Variants in PCM1 observed in about 807,000 individuals in gnomAD.
PCM1 encodes the protein pericentriolar material 1 protein.
In PCM1, 157 loss-of-function variants were observed where a neutral mutation model predicts 241.9. The ratio of observed to expected loss-of-function variants is 0.65; its 90% CI spans 0.57 to 0.74. The LOEUF is 0.74. Ranked by LOEUF, PCM1 falls within the 30% of genes least tolerant of loss-of-function variation. The pLI is 0.00. For missense variants in PCM1, 3,478 were observed against 2,360.1 expected, an observed-to-expected ratio of 1.47 and a Z score of -9.81; for synonymous variants, 1,085 against 784.9, an observed-to-expected ratio of 1.38 and a Z score of -6.39.
chr8:17,941,931 C>T (rs1259913800), intron 6 of PCM1, among the ~76,000 whole-genome samples: 15 of 152,106 alleles, frequency 9.9e-5, no homozygotes. Flanking sequence ...GTTGCTATTA[C>T]TCTTACATAT....
At chr8:17,971,460 C>T (rs2076826871) in intron 22 of PCM1, among the ~76,000 whole-genome samples, 1 of 152,160 alleles carries the variant, frequency 6.6e-6, no homozygotes, top group South Asian at 2.1e-4. Context: ...GTTTTCTCCC[C>T]AACCTAGACG....
At chr8:17,961,968 CTGCTTTTATGA>C in intron 15 of PCM1, 55 bp from the exon 16 acceptor site, 1 of 1,439,228 alleles carries the variant, frequency 6.9e-7, no homozygotes, top group Non-Finnish European at 9.4e-7. Context: ...TTTAAAGTAA[CTGCTTTTATGA>C]AATTAATATA....
At chr8:17,966,698 T>C (rs568133514) in intron 20 of PCM1, among the ~76,000 whole-genome samples, 1 of 152,348 alleles carries the variant, frequency 6.6e-6, no homozygotes, top group African/African-American at 2.4e-5. Flanking sequence ...TTTTGGCAGA[T>C]TTTATGGTGT....
chr8:17,964,708 C>T lies in PCM1; in HGVS notation c.2795C>T (p.Ser932Phe). 6.2e-7 allele frequency: 1 copy of T among 1,613,886 alleles called. No homozygotes were observed. The highest frequency in any genetic ancestry group is 8.5e-7 in the Non-Finnish European group (1 of 1,179,782). Residue 932 changes from serine (S) to phenylalanine (F), a missense_variant, in exon 18 of 39, where the codon TCT (serine) becomes TTT (phenylalanine). Transcript: ENST00000325083. ...EQDASSNDNF[S>F]VCPSNSVNHN... is the part of the protein sequence containing the mutation. The stretch of plus-strand genomic sequence containing the variant: ...GATGCCAGTTCCAATGATAACTTTT[C>T]TGTGTGTCCTTCTAACAGTGTGAAT...
In PCM1 at chr8:17,928,463, C is replaced by G. The variant is rs891601224; in HGVS notation, c.-23+3683C>G. The stretch of plus-strand genomic sequence containing the variant: ...TAAGCAGCCTCCAACCCATTCCATC[C>G]TTTCTTGGTTTTTTTCAATTAAAGA... On this transcript the variant is annotated intron_variant, in intron 2 of 38. Transcript: ENST00000325083. 2.6e-5 allele frequency among the ~76,000 whole-genome samples: 4 copies of G among 152,082 alleles called. No individual in the cohort carries two copies. In the South Asian group the frequency reaches 8.3e-4, roughly 32 times the overall value.
chr8:17,965,568 A>G (rs1466968436), intron 18 of PCM1, among the ~76,000 whole-genome samples: 2 of 152,212 alleles, frequency 1.3e-5, no homozygotes, highest in African/African-American at 4.8e-5. Context: ...TAGATAGTGA[A>G]AAGAGTCTGC....
At chr8:17,974,995 G>A (rs1021300526) in intron 23 of PCM1, among the ~76,000 whole-genome samples, 2 of 152,112 alleles carry the variant, frequency 1.3e-5, no homozygotes, top group African/African-American at 4.8e-5. Flanking sequence ...ACTCTGAACT[G>A]TGGACAAGCA....
chr8:17,972,250 G>A (rs2077102817), intron 22 of PCM1, 79 bp from the exon 23 acceptor site: 1 of 799,078 alleles, frequency 1.3e-6, no homozygotes, highest in Non-Finnish European at 1.9e-6. Flanking sequence ...ATCTACTCGA[G>A]TAGACTATAA....
At chr8:17,992,998 TG>T (rs1184195250) in intron 28 of PCM1, among the ~76,000 whole-genome samples, 2 of 151,888 alleles carry the variant, frequency 1.3e-5, no homozygotes, top group Non-Finnish European at 2.9e-5. Context: ...ATTAGTCCTT[TG>T]TCAGATGCGT....
chr8:17,967,734 C>T (rs181612135), intron 21 of PCM1, among the ~76,000 whole-genome samples: 1 of 152,202 alleles, frequency 6.6e-6, no homozygotes, highest in Non-Finnish European at 1.5e-5. Flanking sequence ...CTGCTGTATA[C>T]TAGGCACTGT....
At chr8:17,997,937 G>A (rs886195608) in intron 29 of PCM1, among the ~76,000 whole-genome samples, 22 of 151,252 alleles carry the variant, frequency 1.5e-4, no homozygotes, top group Admixed American at 1.1e-3. Context: ...TTGGGAGGCC[G>A]AGGCAGGAGA....
chr8:17,972,538 C>T lies in PCM1; in HGVS notation c.3794C>T (p.Pro1265Leu). The change falls in exon 23 of 39, where the codon CCT (proline) becomes CTT (leucine). Residue 1265 changes from proline to leucine, a missense_variant. Coordinates refer to ENST00000325083, the MANE Select transcript of PCM1 (RefSeq NM_006197.4). ...EESLESFSSM[P>L]DPVDPTTVTK... ...TCACTGGAAAGCTTTAGCAGTATGC[C>T]TGATCCAGTAGATCCAACAACAGTG... The T allele has an allele frequency of 6.2e-7, 1 of 1,613,872 alleles. No homozygotes were observed. Among genetic ancestry groups the T allele is most frequent in the African/African-American group, 1.3e-5 (1 of 75,060 alleles).
At chr8:17,933,132 T>C (rs577373505) in intron 2 of PCM1, among the ~76,000 whole-genome samples, 1 of 152,348 alleles carries the variant, frequency 6.6e-6, no homozygotes, top group South Asian at 2.1e-4. Flanking sequence ...ATAGAATTGT[T>C]GTGAGGCTTT....
At chr8:17,957,804 T>TA in intron 13 of PCM1, 29 bp downstream of exon 13, 1 of 1,475,050 alleles carries the variant, frequency 6.8e-7, no homozygotes, top group South Asian at 1.2e-5. Flanking sequence ...TTTAAAAACC[T>TA]ATTTGTCAAA....
chr8:17,956,638 C>G lies in PCM1; in HGVS notation c.1507C>G (p.Leu503Val). ...TGAAGTTCGAAAGAGATTGAATGAGCTAAGAGAATTAGTTCATTATTATGA... is the reference window on the plus strand; with the variant it reads ...TGAAGTTCGAAAGAGATTGAATGAGGTAAGAGAATTAGTTCATTATTATGA... ...LNEVRKRLNE[L>V]RELVHYYEQT... The change falls in exon 11 of 39, where the codon CTA becomes GTA. Residue 503 changes from leucine (L) to valine (V), a missense_variant. Physicochemically the swap from Leu to Val is conservative, Grantham distance 32. Transcript: ENST00000325083. 2 of 1,600,230 alleles carry G rather than the reference C, an allele frequency of 1.2e-6. No individual in the cohort carries two copies. Among genetic ancestry groups the G allele is most frequent in the Non-Finnish European group, 1.7e-6 (2 of 1,171,696 alleles).
At chr8:17,945,642 T>C (rs1348702731) in intron 6 of PCM1, among the ~76,000 whole-genome samples, 1 of 152,204 alleles carries the variant, frequency 6.6e-6, no homozygotes, top group Non-Finnish European at 1.5e-5. Flanking sequence ...TCATTCACAA[T>C]ACTGATGAGT....
At chr8:17,962,918 T>A (rs937582226) in intron 16 of PCM1, 183 bp from the exon 17 acceptor site, 162 of 441,360 alleles carry the variant, frequency 3.7e-4, no homozygotes, top group Middle Eastern at 6.0e-4. Context: ...AAAAAAAAAA[T>A]TGGCTGATTT....
chr8:17,947,449 C>G, intron 7 of PCM1, 86 bp downstream of exon 7: 2 of 958,024 alleles, frequency 2.1e-6, no homozygotes, highest in Admixed American at 2.4e-5. Context: ...ATTACATAAT[C>G]AGATCTTGAT....
intron 10 of PCM1, among the ~76,000 whole-genome samples, chr8:17,956,289 A>G (rs921762031): frequency 1.3e-5 from 2 of 152,202 alleles, no homozygotes; most frequent in Non-Finnish European, 2.9e-5. Flanking sequence ...GATACTTGAG[A>G]AACTAGAAAT....
Sources: gnomAD v4.1 joint callset for allele counts (sites outside exome capture counted in the v4.1 genomes callset) on GRCh38, gnomAD v4.1.1 for gene constraint, MANE v1.5 for transcripts, NCBI Gene and HGNC (gene_info 2026-07-23, HGNC 2026-07-21) for gene names.